Variants in SLC7A13 observed in about 807,000 individuals in gnomAD.
The protein encoded by SLC7A13 is solute carrier family 7 member 13.
In SLC7A13, 31 loss-of-function variants were observed where a neutral mutation model predicts 32.0. That is an observed-to-expected ratio of 0.97 (90% CI 0.73 to 1.31). The LOEUF is 1.31. SLC7A13 is among the 50% of genes most tolerant of loss of function. The probability of loss-of-function intolerance (pLI) is 0.00; values close to 1 mark genes in which losing one functional copy is unlikely to be tolerated. For synonymous variants in SLC7A13, 232 were observed against 206.9 expected (o/e 1.12, Z -1.04); for missense variants, 633 against 546.9 (o/e 1.16, Z -1.57).
At position 86,222,965 on chromosome 8, in the gene SLC7A13, T is replaced by A. The variant is rs970494894; in HGVS notation, c.817+7A>T. 6.3e-7 allele frequency: 1 copy of A among 1,589,544 alleles called. No homozygotes were observed. Among genetic ancestry groups the A allele is most frequent in the Non-Finnish European group, 8.5e-7 (1 of 1,170,150 alleles). ...TTATTTATTGCTTTAGCCATTTGCA[T>A]ACAAACCTGAAGAGAGAATTTCCCT... is the stretch of plus-strand genomic sequence containing the variant. On this transcript the variant is annotated splice_region_variant and intron_variant, in intron 2 of 3. Transcript: ENST00000297524.
chr8:86,230,035 G>T lies in SLC7A13; in HGVS notation c.243C>A (p.Tyr81Ter). ...AGCCAAAGTATCTCTTGAGAAAATAGTATTGAGCTCCACTGCATGGGAAGC... is the reference window on the plus strand; with the variant it reads ...AGCCAAAGTATCTCTTGAGAAAATATTATTGAGCTCCACTGCATGGGAAGC... ...SISFPCSGAQ[Y>*]YFLKRYFGST... The change falls in exon 1 of 4, where the codon TAC (tyrosine) becomes TAA (stop). Residue 81 changes from tyrosine to a stop codon, truncating the protein, a stop_gained. Coordinates refer to ENST00000297524, the MANE Select transcript of SLC7A13 (RefSeq NM_138817.3). LOFTEE classifies it high-confidence loss of function. 1.9e-6 allele frequency: 3 copies of T among 1,614,118 alleles called. No individual in the cohort carries two copies. The highest frequency in any genetic ancestry group is 2.5e-6 in the Non-Finnish European group (3 of 1,180,014).
At chr8:86,221,163 C>T (rs970719016) in intron 2 of SLC7A13, among the ~76,000 whole-genome samples, 7 of 152,134 alleles carry the variant, frequency 4.6e-5, no homozygotes, top group Non-Finnish European at 1.0e-4. Flanking sequence ...TGTTTTATAT[C>T]ATTATATACA....
In SLC7A13 at chr8:86,230,185, A is replaced by C. The variant is rs1400502789; in HGVS notation, c.93T>G (p.Ile31Met). ...CCAACACACCTTTGGGGGACACAAA[A>C]ATTCCTGCACCAATGATATTAATAA... ...FLLINIIGAG[I>M]FVSPKGVLAY... Residue 31 changes from isoleucine (I) to methionine (M), a missense_variant, in exon 1 of 4, where the codon ATT becomes ATG. Physicochemically the swap from Ile to Met is conservative, Grantham distance 10 (BLOSUM62 1). Coordinates refer to ENST00000297524, the MANE Select transcript of SLC7A13 (RefSeq NM_138817.3). The C allele has an allele frequency of 1.2e-6, 2 of 1,614,148 alleles. No homozygotes were observed. Among genetic ancestry groups the C allele is most frequent in the Non-Finnish European group, 1.7e-6 (2 of 1,180,020 alleles).
chr8:86,219,334 A>G (rs3923637), intron 2 of SLC7A13, among the ~76,000 whole-genome samples: 19,741 of 152,206 alleles, frequency 0.13, 1,388 homozygotes, highest in Non-Finnish European at 0.15. Flanking sequence ...CAGCTCCGTC[A>G]GTGCTGGCTG....
chr8:86,222,550 G>A (rs1466809128), intron 2 of SLC7A13, among the ~76,000 whole-genome samples: 1 of 151,994 alleles, frequency 6.6e-6, no homozygotes, highest in Admixed American at 6.6e-5. Context: ...TTGAACATTA[G>A]CATCTACTCT....
At chr8:86,225,193 A>C (rs1274658570) in intron 1 of SLC7A13, among the ~76,000 whole-genome samples, 1 of 152,284 alleles carries the variant, frequency 6.6e-6, no homozygotes, top group Admixed American at 6.5e-5. Flanking sequence ...TCATTTGACT[A>C]TATCAAATTT....
chr8:86,220,559 G>A (rs1820276656), intron 2 of SLC7A13, among the ~76,000 whole-genome samples: 1 of 151,976 alleles, frequency 6.6e-6, no homozygotes, highest in Non-Finnish European at 1.5e-5. Flanking sequence ...GCAGCCTGGT[G>A]TAATTCTTTC....
intron 1 of SLC7A13, among the ~76,000 whole-genome samples, chr8:86,225,007 G>A (rs1044440781): frequency 3.9e-5 from 6 of 151,982 alleles, no homozygotes; most frequent in African/African-American, 7.2e-5. Context: ...GATTAAAAAC[G>A]TGAGTCACCA....
chr8:86,228,167 C>A (rs1208641511), intron 1 of SLC7A13, among the ~76,000 whole-genome samples: 1 of 152,240 alleles, frequency 6.6e-6, no homozygotes, highest in South Asian at 2.1e-4. Flanking sequence ...TCTGAGTGAA[C>A]CAAGAAGATG....
intron 3 of SLC7A13, among the ~76,000 whole-genome samples, chr8:86,215,184 C>T (rs1200151059): frequency 6.6e-6 from 1 of 151,800 alleles, no homozygotes; most frequent in Admixed American, 6.6e-5. Context: ...TTTTGCTTTG[C>T]CAAAAGCCTT....
At chr8:86,223,812 C>T (rs907185133) in intron 1 of SLC7A13, among the ~76,000 whole-genome samples, 7 of 151,990 alleles carry the variant, frequency 4.6e-5, no homozygotes, top group Admixed American at 2.6e-4. Flanking sequence ...CACACACACA[C>T]ACACACACTG....
intron 1 of SLC7A13, among the ~76,000 whole-genome samples, chr8:86,226,563 G>C (rs1820391208): frequency 1.3e-5 from 2 of 152,070 alleles, no homozygotes; most frequent in African/African-American, 4.8e-5. Flanking sequence ...CTTCCTCACT[G>C]AATCTTCTTT....
chr8:86,214,566 C>G lies in SLC7A13; in HGVS notation c.1260G>C (p.Val420=). 1 of 1,613,708 alleles carries G rather than the reference C, an allele frequency of 6.2e-7. No individual in the cohort carries two copies. The highest frequency in any genetic ancestry group is 8.5e-7 in the Non-Finnish European group (1 of 1,179,838). The change falls in exon 4 of 4, where the codon GTG becomes GTC. Residue 420 remains valine, a synonymous_variant. Transcript: ENST00000297524. ...CTAACAGAAGCACGTAGACATAATGCACATTTGGAGACTTTACCAATGGTA... is the reference window on the plus strand; with the variant it reads ...CTAACAGAAGCACGTAGACATAATGGACATTTGGAGACTTTACCAATGGTA... The part of the protein sequence containing the change: ...VVIPLVKSPN[V]HYVYVLLLVL...
At chr8:86,226,647 G>A (rs926717584) in intron 1 of SLC7A13, among the ~76,000 whole-genome samples, 3 of 152,006 alleles carry the variant, frequency 2.0e-5, no homozygotes, top group Admixed American at 6.6e-5. Flanking sequence ...TTCATCCTTC[G>A]TCTCTATGTA....
chr8:86,226,303 A>G (rs1479449870), intron 1 of SLC7A13, among the ~76,000 whole-genome samples: 1 of 152,202 alleles, frequency 6.6e-6, no homozygotes, highest in Non-Finnish European at 1.5e-5. Context: ...AAATTGGCCC[A>G]TTTAATCACA....
At chr8:86,222,549 A>T (rs1820314459) in intron 2 of SLC7A13, among the ~76,000 whole-genome samples, 1 of 152,292 alleles carries the variant, frequency 6.6e-6, no homozygotes, top group African/African-American at 2.4e-5. Context: ...ATTGAACATT[A>T]GCATCTACTC....
At chr8:86,221,433 A>C (rs1820292834) in intron 2 of SLC7A13, among the ~76,000 whole-genome samples, 1 of 152,180 alleles carries the variant, frequency 6.6e-6, no homozygotes, top group Non-Finnish European at 1.5e-5. Context: ...TACAATAAAC[A>C]CGCAGATATT....
In SLC7A13 at chr8:86,214,084, T is replaced by C; in HGVS notation, c.*329A>G. 5.5e-6 allele frequency: 1 copy of C among 181,256 alleles called. No homozygotes were observed. The highest frequency in any genetic ancestry group is 1.4e-4 in the East Asian group (1 of 7,172). The allele number at this position is 181,256 out of a possible 1,614,324, so 11.2% of individuals were successfully genotyped here. A position where few individuals can be genotyped will look rare whatever the true frequency, so the allele number is the denominator to read the frequency against. On this transcript the variant is annotated 3_prime_UTR_variant, in exon 4 of 4. Transcript: ENST00000297524. ...AAAATTTTTAGTCATTCACTTTTAT[T>C]ATAGGATCCCCACAAATTCAGTAGA...
chr8:86,220,466 G>A (rs960208929), intron 2 of SLC7A13, among the ~76,000 whole-genome samples: 13 of 152,064 alleles, frequency 8.5e-5, no homozygotes, highest in Admixed American at 7.9e-4. Flanking sequence ...GCTCTGACAC[G>A]GACACAGACA....
Sources: gnomAD v4.1 joint callset for allele counts (sites outside exome capture counted in the v4.1 genomes callset) on GRCh38, gnomAD v4.1.1 for gene constraint, MANE v1.5 for transcripts, NCBI Gene and HGNC (gene_info 2026-07-23, HGNC 2026-07-21) for gene names.